FAM234B: variants seen among roughly 807,000 people sequenced by gnomAD.
FAM234B encodes protein FAM234B.
Under a neutral mutation model 69.3 loss-of-function variants are expected in FAM234B, and 33 were observed. The ratio of observed to expected loss-of-function variants is 0.48; its 90% CI spans 0.36 to 0.64. FAM234B has a LOEUF of 0.64. Ranked by LOEUF, FAM234B falls within the 30% of genes least tolerant of loss-of-function variation. The probability of loss-of-function intolerance (pLI) is 0.00; values close to 1 mark genes in which losing one functional copy is unlikely to be tolerated. For missense variants in FAM234B, 697 were observed against 769.7 expected, an observed-to-expected ratio of 0.91 and a Z score of 1.12; for synonymous variants, 306 against 306.9, an observed-to-expected ratio of 1.00 and a Z score of 0.03.
In FAM234B at chr12:13,055,649, G is replaced by C; in HGVS notation, c.136G>C (p.Gly46Arg). 6.2e-6 allele frequency: 10 copies of C among 1,614,212 alleles called. No homozygotes were observed. Among genetic ancestry groups the C allele is most frequent in the Non-Finnish European group, 8.5e-6 (10 of 1,180,036 alleles). Reference protein sequence around the residue: ...DLVLNLQKNGGVKNGKSPLGE... With the variant: ...DLVLNLQKNGRVKNGKSPLGE... ...GGTGCTTAACCTGCAGAAGAATGGA[G>C]GGGTCAAAAATGGGAAGAGTCCTTT... Residue 46 changes from glycine to arginine, a missense_variant, in exon 2 of 13, where the codon GGG becomes CGG. Transcript: ENST00000197268.
chr12:13,045,310 A>G (rs1864795620), intron 1 of FAM234B, among the ~76,000 whole-genome samples: 1 of 152,090 alleles, frequency 6.6e-6, no homozygotes, highest in African/African-American at 2.4e-5. Flanking sequence ...ATTCCACCCA[A>G]GTAAATTTTA....
At chr12:13,063,856 T>C (rs891460604) in intron 5 of FAM234B, among the ~76,000 whole-genome samples, 1 of 152,242 alleles carries the variant, frequency 6.6e-6, no homozygotes, top group African/African-American at 2.4e-5. Context: ...CGGCAAAGAA[T>C]GTTTGTGGAA....
rs1254381236 is a variant in FAM234B at position 13,058,467 on chromosome 12, A to T, written c.450A>T (p.Pro150=). ...LGSQGGGDLS[P]LELADVNGDG... ...GTATAACAGGTGGGGACCTGTCTCC[A>T]TTGGAATTGGCTGATGTGAATGGAG... is the stretch of plus-strand genomic sequence containing the variant. Residue 150 remains proline, a synonymous_variant, in exon 3 of 13, where the codon CCA becomes CCT. Transcript: ENST00000197268. The T allele has an allele frequency of 2.5e-6, 4 of 1,613,704 alleles. No homozygotes were observed. The highest frequency in any genetic ancestry group is 1.3e-5 in the African/African-American group (1 of 74,872).
intron 12 of FAM234B, 31 bp from the exon 13 acceptor site, chr12:13,080,590 AAAAC>A (rs751586054): frequency 6.3e-7 from 1 of 1,580,504 alleles, no homozygotes; most frequent in Non-Finnish European, 8.7e-7. Flanking sequence ...TCTACCATGA[AAAAC>A]AATAAAGTCA....
intron 1 of FAM234B, among the ~76,000 whole-genome samples, chr12:13,047,801 G>A (rs1226615126): frequency 1.3e-5 from 2 of 152,162 alleles, no homozygotes; most frequent in South Asian, 2.1e-4. Context: ...TGGATTTGAC[G>A]CCTGGCTCCT....
chr12:13,068,511 C>T lies in FAM234B; in HGVS notation c.1286+64C>T, dbSNP rs1056447128. 1.0e-5 allele frequency: 16 copies of T among 1,600,494 alleles called. No individual in the cohort carries two copies. In the African/African-American group the frequency reaches 1.9e-4, roughly 19 times the overall value. On this transcript the variant is annotated intron_variant, in intron 8 of 12. Transcript: ENST00000197268. ...CCACTTTCCCATGTTTAAAAATTGT[C>T]CAGGACAATTGCTTGCAATTCTTAT...
intron 1 of FAM234B, among the ~76,000 whole-genome samples, chr12:13,053,938 C>A (rs1171739636): frequency 2.0e-5 from 3 of 152,186 alleles, no homozygotes; most frequent in African/African-American, 7.2e-5. Context: ...TCAGTGATAT[C>A]TTCCCTACTT....
chr12:13,068,180 A>G (rs1005539969), intron 7 of FAM234B, 124 bp from the exon 8 acceptor site: 2 of 894,720 alleles, frequency 2.2e-6, no homozygotes, highest in African/African-American at 1.7e-5. Flanking sequence ...TTGATGAGAT[A>G]ATGGTGGGGC....
Position 13,062,946 on chromosome 12 carries a change from C to T in FAM234B, c.823C>T (p.Leu275Phe), listed in dbSNP as rs200135145. The T allele has an allele frequency of 9.5e-5, 153 of 1,614,014 alleles. No homozygotes were observed. The Admixed American group carries it at 2.5e-3, about 27-fold the overall frequency. ...PDLDEDGVRD[L>F]VVLAIGELQP... ...CTTGGATGAAGACGGTGTTCGAGAC[C>T]TTGTGGTTCTGGCCATTGGGGAATT... The change falls in exon 5 of 13, where the codon CTT (leucine) becomes TTT (phenylalanine). Residue 275 changes from leucine (L) to phenylalanine (F), a missense_variant. By Grantham distance (22) the Leu-to-Phe change is conservative. Coordinates refer to ENST00000197268, the MANE Select transcript of FAM234B (RefSeq NM_020853.2).
In FAM234B at chr12:13,071,115, T is replaced by C. The variant is rs1213520594; in HGVS notation, c.1369-126T>C. 11 of 1,027,680 alleles carry C rather than the reference T, an allele frequency of 1.1e-5. No individual in the cohort carries two copies. The East Asian group carries it at 2.4e-4, about 22-fold the overall frequency. The allele number at this position is 1,027,680 out of a possible 1,614,324, so 63.7% of individuals were successfully genotyped here. On this transcript the variant is annotated intron_variant, in intron 9 of 12. Transcript: ENST00000197268. ...TCTCGGAACACCCAGTTTGCTTGCA[T>C]CTTAAAAGCGCAGCGTGTTGATATT...
intron 11 of FAM234B, 64 bp downstream of exon 11, chr12:13,076,207 T>C: frequency 8.1e-7 from 1 of 1,235,386 alleles, no homozygotes. Context: ...GTTGGCTGTG[T>C]GTAATGAGAC....
chr12:13,046,454 TTTTG>T (rs992149504), intron 1 of FAM234B, among the ~76,000 whole-genome samples: 6 of 151,890 alleles, frequency 4.0e-5, no homozygotes, highest in East Asian at 1.9e-4. Flanking sequence ...TTGTTTGTTT[TTTTG>T]TTTGTTTGTT....
At chr12:13,063,082 A>G in intron 5 of FAM234B, 107 bp downstream of exon 5, 1 of 1,326,108 alleles carries the variant, frequency 7.5e-7, no homozygotes, top group East Asian at 2.4e-5. Flanking sequence ...TGTTCTTTTT[A>G]CAAGGGTTTA....
Position 13,079,172 on chromosome 12 carries a change from G to A in FAM234B, c.1643-617G>A, listed in dbSNP as rs1488259246. 3.3e-5 allele frequency among the ~76,000 whole-genome samples: 5 copies of A among 152,090 alleles called. No individual in the cohort carries two copies. In the East Asian group the frequency reaches 9.6e-4, roughly 29 times the overall value. On this transcript the variant is annotated intron_variant, in intron 11 of 12. Coordinates refer to ENST00000197268, the MANE Select transcript of FAM234B (RefSeq NM_020853.2). ...AGGCTACAGTAACCAAAACAGCATGGTATTGGTACCAAAACAGAGATATAG... is the reference window on the plus strand; with the variant it reads ...AGGCTACAGTAACCAAAACAGCATGATATTGGTACCAAAACAGAGATATAG...
chr12:13,069,259 G>A (rs1865075345), intron 9 of FAM234B, among the ~76,000 whole-genome samples: 1 of 152,166 alleles, frequency 6.6e-6, no homozygotes, highest in Non-Finnish European at 1.5e-5. Flanking sequence ...GTTGCATATT[G>A]TGAGAATATA....
intron 5 of FAM234B, 76 bp downstream of exon 5, chr12:13,063,051 C>A (rs1865001161): frequency 1.4e-6 from 2 of 1,477,040 alleles, no homozygotes; most frequent in East Asian, 2.3e-5. Flanking sequence ...CCTAGTGTTA[C>A]ATTATAAATG....
rs1362097211 is a variant in FAM234B, at chr12:13,076,028, TATC to T, written c.1531_1533del (p.Ile511del). ...TCCTTTTTGCTGCTTATTATCAGGATATCATCCTAGGAACTGAGCCGCCCAGCC... is the reference window on the plus strand; with the variant it reads ...TCCTTTTTGCTGCTTATTATCAGGATATCCTAGGAACTGAGCCGCCCAGCC... On this transcript the variant is annotated inframe_deletion, in exon 11 of 13. Transcript: ENST00000197268. 4 of 1,610,636 alleles carry T rather than the reference TATC, an allele frequency of 2.5e-6. No homozygotes were observed. The African/African-American group carries it at 5.3e-5, about 22-fold the overall frequency.
At chr12:13,063,029 G>A (rs1043066483) in intron 5 of FAM234B, 54 bp downstream of exon 5, 1 of 1,582,944 alleles carries the variant, frequency 6.3e-7, no homozygotes, top group Admixed American at 1.7e-5. Flanking sequence ...TTCTATTTTA[G>A]TTGTCTCAGC....
chr12:13,062,657 T>C (rs1423216818), intron 4 of FAM234B, 188 bp from the exon 5 acceptor site: 12 of 520,044 alleles, frequency 2.3e-5, no homozygotes, highest in Non-Finnish European at 4.1e-5. Context: ...CCAGATACTT[T>C]AGGATTCGGA....
Sources: gnomAD v4.1 joint callset for allele counts (sites outside exome capture counted in the v4.1 genomes callset) on GRCh38, gnomAD v4.1.1 for gene constraint, MANE v1.5 for transcripts, NCBI Gene and HGNC (gene_info 2026-07-23, HGNC 2026-07-21) for gene names.